LTBP2: variants seen among roughly 807,000 people sequenced by gnomAD.
LTBP2 encodes the protein latent transforming growth factor beta binding protein 2.
LTBP2 carries 103 observed loss-of-function variants against 210.6 expected under a neutral mutation model. The ratio of observed to expected loss-of-function variants is 0.49; its 90% CI spans 0.42 to 0.58. The LOEUF (loss-of-function observed/expected upper bound fraction) is 0.58. LTBP2 is among the 20% of genes least tolerant of loss of function. The pLI is 0.00. For synonymous variants in LTBP2, 1,007 were observed against 1,015.0 expected, an observed-to-expected ratio of 0.99 and a Z score of 0.15; for missense variants, 2,313 against 2,494.5, an observed-to-expected ratio of 0.93 and a Z score of 1.55.
chr14:74,515,845 A>C (rs1298263471), intron 18 of LTBP2, among the ~76,000 whole-genome samples: 1 of 152,070 alleles, frequency 6.6e-6, no homozygotes, highest in South Asian at 2.1e-4. Context: ...TGAGTTTTAA[A>C]GGGGGAGGAC....
Position 74,603,648 on chromosome 14 carries a change from G to T in LTBP2, c.552C>A (p.Asn184Lys), listed in dbSNP as rs1430109317. The T allele has an allele frequency of 6.2e-7, 1 of 1,614,198 alleles. No individual in the cohort carries two copies. Among genetic ancestry groups the T allele is most frequent in the Non-Finnish European group, 8.5e-7 (1 of 1,180,044 alleles). Residue 184 changes from asparagine to lysine, a missense_variant, in exon 2 of 36, where the codon AAC (asparagine) becomes AAA (lysine). Transcript: ENST00000261978. ...GGAGGCACTCACGTTTGATACAGTG[G>T]TTGGTGCTGTTTGCTGTTGTCCATC... is the stretch of plus-strand genomic sequence containing the variant. ...CPGWTTANST[N>K]HCIKPVCEPP... is the part of the protein sequence containing the mutation.
At chr14:74,587,498 C>A (rs113360431) in intron 2 of LTBP2, among the ~76,000 whole-genome samples, 2 of 151,466 alleles carry the variant, frequency 1.3e-5, no homozygotes, top group Non-Finnish European at 2.9e-5. Context: ...GCAAAGGAAG[C>A]GAACCCCCAA....
chr14:74,595,353 A>G lies in LTBP2; in HGVS notation c.565+8282T>C, dbSNP rs909768889. Among the ~76,000 whole-genome samples the G allele has an allele frequency of 9.2e-5, 14 of 152,306 alleles. 1 individual carries two copies. Among genetic ancestry groups the G allele is most frequent in the African/African-American group, 3.4e-4 (14 of 41,582 alleles). ...GCATGAGGAGGAAGACTCTGGGCCC[A>G]GCTCATGGCCCAGGGCTGAGAGGCC... On this transcript the variant is annotated intron_variant, in intron 2 of 35. Transcript: ENST00000261978.
Position 74,552,301 on chromosome 14 carries a change from G to T in LTBP2, c.1285C>A (p.Leu429Met). Residue 429 changes from leucine to methionine, a missense_variant, in exon 6 of 36, where the codon CTG (leucine) becomes ATG (methionine). Leu to Met is a conservative substitution (Grantham distance 15, BLOSUM62 2). Around this residue, in one of 3 missense-constraint regions of LTBP2, gnomAD observed 1,867 missense variants for 1,976.9 expected, o/e 0.94. Transcript: ENST00000261978. ...PANSTGKFCH[L>M]PIPQPDREPP... ...TCCCTGTCCGGCTGCGGGATAGGCA[G>T]GTGGCAGAACTTCCCGGTGGAGTTG... 1 of 1,613,290 alleles carries T rather than the reference G, an allele frequency of 6.2e-7. No individual in the cohort carries two copies. The highest frequency in any genetic ancestry group is 1.1e-5 in the South Asian group (1 of 91,090).
rs780999922 is a variant in LTBP2 at position 74,555,594 on chromosome 14, G to A, written c.930C>T (p.Leu310=). ...LHPTATASSQ[L]SSNALPPGPG... ...GTCCCGGGGGCAGGGCGTTGGAAGA[G>A]AGCTGGCTACTGGCCGTGGCAGTCG... The change falls in exon 4 of 36, where the codon CTC becomes CTT. Residue 310 remains leucine (L), a synonymous_variant. Coordinates refer to ENST00000261978, the MANE Select transcript of LTBP2 (RefSeq NM_000428.3). The A allele has an allele frequency of 1.2e-6, 2 of 1,611,602 alleles. No individual in the cohort carries two copies. The highest frequency in any genetic ancestry group is 1.7e-6 in the Non-Finnish European group (2 of 1,178,582).
chr14:74,549,538 A>C (rs1209343095), intron 8 of LTBP2, among the ~76,000 whole-genome samples: 1 of 152,216 alleles, frequency 6.6e-6, no homozygotes, highest in Non-Finnish European at 1.5e-5. Context: ...CTGAATCAAG[A>C]TCTCTGGACC....
chr14:74,597,908 A>C (rs939484317), intron 2 of LTBP2, among the ~76,000 whole-genome samples: 12 of 152,134 alleles, frequency 7.9e-5, no homozygotes, highest in Non-Finnish European at 1.5e-4. Context: ...TGAAGATGAA[A>C]ATCCTACCCT....
Position 74,611,565 on chromosome 14 carries a change from AG to A in LTBP2, c.379del (p.Leu127TrpfsTer153), listed in dbSNP as rs2088609224. 3 of 1,577,606 alleles carry A rather than the reference AG, an allele frequency of 1.9e-6. No homozygotes were observed. Among genetic ancestry groups the A allele is most frequent in the Non-Finnish European group, 8.6e-7 (1 of 1,168,466 alleles). On this transcript the variant is annotated frameshift_variant, in exon 1 of 36. Coordinates refer to ENST00000261978, the MANE Select transcript of LTBP2 (RefSeq NM_000428.3). LOFTEE classifies it high-confidence loss of function. Reference sequence around the variant, plus strand: ...CCGGGGTGCTGGTTGCTGCTGGCCCAGGGGAGTGCTTCTCCGGGTCTGCGCA... The same window carrying A: ...CCGGGGTGCTGGTTGCTGCTGGCCCAGGGAGTGCTTCTCCGGGTCTGCGCA... ...PPAQTRRSTPLGQQQPAPRTR... is the reference protein window; with the variant it reads ...PPAQTRRSTPXGQQQPAPRTR...
intron 18 of LTBP2, among the ~76,000 whole-genome samples, chr14:74,515,458 C>T (rs148624322): frequency 1.9e-4 from 29 of 152,068 alleles, no homozygotes; most frequent in African/African-American, 5.5e-4. Flanking sequence ...GGTTTCACCA[C>T]GTTGGCCAGG....
At chr14:74,530,584 C>T (rs570621901) in intron 10 of LTBP2, among the ~76,000 whole-genome samples, 6 of 152,334 alleles carry the variant, frequency 3.9e-5, no homozygotes, top group African/African-American at 1.4e-4. Context: ...GGCACGATCT[C>T]GGCTCACTGC....
At chr14:74,535,806 A>T in intron 9 of LTBP2, 120 bp downstream of exon 9, 1 of 882,276 alleles carries the variant, frequency 1.1e-6, no homozygotes, top group Admixed American at 2.0e-5. Flanking sequence ...CCACTCCCCA[A>T]AGCTGGGGCT....
chr14:74,545,929 T>C (rs982841232), intron 8 of LTBP2, among the ~76,000 whole-genome samples: 6 of 152,324 alleles, frequency 3.9e-5, no homozygotes, highest in Admixed American at 3.3e-4. Context: ...CAGCTCTCCA[T>C]GCAAGTTCTG....
At chr14:74,596,890 T>C (rs1566654349) in intron 2 of LTBP2, among the ~76,000 whole-genome samples, 1 of 152,140 alleles carries the variant, frequency 6.6e-6, no homozygotes. Context: ...GGGATGAGGA[T>C]GTCTGGGAGA....
chr14:74,572,165 C>T (rs2087987810), intron 3 of LTBP2, among the ~76,000 whole-genome samples: 1 of 152,166 alleles, frequency 6.6e-6, no homozygotes, highest in African/African-American at 2.4e-5. Flanking sequence ...CCCAAGCAGC[C>T]TCATACAACA....
chr14:74,590,037 G>GA (rs1447872044), intron 2 of LTBP2, among the ~76,000 whole-genome samples: 1 of 152,044 alleles, frequency 6.6e-6, no homozygotes, highest in Admixed American at 6.6e-5. Flanking sequence ...ACAAATATAT[G>GA]AAAAAATGTT....
chr14:74,508,796 C>T, intron 23 of LTBP2, 34 bp downstream of exon 23: 1 of 1,613,656 alleles, frequency 6.2e-7, no homozygotes, highest in South Asian at 1.1e-5. Flanking sequence ...CACTCATGCC[C>T]CCCACCCCCA....
intron 3 of LTBP2, among the ~76,000 whole-genome samples, chr14:74,564,197 ATT>A (rs1300826714): frequency 2.1e-5 from 1 of 47,992 alleles, no homozygotes; most frequent in Non-Finnish European, 3.2e-5. Flanking sequence ...TTATATATAT[ATT>A]TATATATATT....
chr14:74,506,910 C>G (rs947206015), intron 26 of LTBP2, 87 bp from the exon 27 acceptor site: 3 of 1,585,088 alleles, frequency 1.9e-6, no homozygotes, highest in Non-Finnish European at 2.6e-6. Flanking sequence ...CTCTCTCACA[C>G]GCATGCACAC....
At chr14:74,605,465 G>A (rs1161889555) in intron 1 of LTBP2, among the ~76,000 whole-genome samples, 1 of 152,196 alleles carries the variant, frequency 6.6e-6, no homozygotes, top group Non-Finnish European at 1.5e-5. Flanking sequence ...GGGGGTCAGG[G>A]AAAGGGCTGC....
Sources: allele counts gnomAD v4.1 joint callset (sites outside exome capture counted in the v4.1 genomes callset), GRCh38; gene constraint gnomAD v4.1.1; regional missense constraint gnomAD v4.1.1; transcripts MANE v1.5; gene names NCBI Gene and HGNC (gene_info 2026-07-23, HGNC 2026-07-21).